Variants in AGBL1 observed in about 807,000 individuals in gnomAD.
AGBL1 encodes the protein cytosolic carboxypeptidase 4.
AGBL1 carries 130 observed loss-of-function variants against 118.9 expected under a neutral mutation model. That is an observed-to-expected ratio of 1.09 (90% CI 0.95 to 1.26). AGBL1 has a LOEUF of 1.26. Among genes scored for constraint, AGBL1 ranks in the 50% most tolerant of loss-of-function variants. AGBL1 has a pLI of 0.00. For synonymous variants in AGBL1, 555 were observed against 478.9 expected (o/e 1.16, Z -2.08); for missense variants, 1,584 against 1,298.1 (o/e 1.22, Z -3.38).
At position 86,827,489 on chromosome 15, in the gene AGBL1, G is replaced by GTATATA. The variant is rs1218247459; in HGVS notation, c.3159-79571_3159-79566dup. 1.5e-3 allele frequency among the ~76,000 whole-genome samples: 5 copies of GTATATA among 3,310 alleles called. 1 individual carries two copies. Among genetic ancestry groups the GTATATA allele is most frequent in the African/African-American group, 3.1e-3 (3 of 954 alleles). 2.2% of individuals were successfully genotyped at this position (3,310 alleles called of 152,430 possible). A position where few individuals can be genotyped will look rare whatever the true frequency, so the allele number is the denominator to read the frequency against. On this transcript the variant is annotated intron_variant, in intron 22 of 22. Coordinates refer to ENST00000614907, the MANE Select transcript of AGBL1 (RefSeq NM_001386094.1). ...TATATACATATATATATATATGTGTGTATATATATATATATATATATATAT... is the reference window on the plus strand; with the variant it reads ...TATATACATATATATATATATGTGTGTATATATATATATATATATATATATATATAT...
At chr15:86,515,481 TTTAA>T (rs1265561915) in intron 18 of AGBL1, among the ~76,000 whole-genome samples, 1 of 152,182 alleles carries the variant, frequency 6.6e-6, no homozygotes, top group Admixed American at 6.5e-5. Flanking sequence ...TTCTATTTGC[TTTAA>T]TTATTATAAA....
At chr15:86,442,841 C>T (rs1379426704) in intron 18 of AGBL1, among the ~76,000 whole-genome samples, 1 of 152,170 alleles carries the variant, frequency 6.6e-6, no homozygotes, top group Non-Finnish European at 1.5e-5. Flanking sequence ...GAAGAGGAAG[C>T]AGAGGAGACA....
In AGBL1 at chr15:86,778,531, G is replaced by GT. The variant is rs565352852; in HGVS notation, c.3158+104097dup. ...GGGACGCATTCTCTTTCTCAGGGAT[G>GT]TTCCTTGCTGAGAAAAAGAATTCAG... On this transcript the variant is annotated intron_variant, in intron 22 of 22. Coordinates refer to ENST00000614907, the MANE Select transcript of AGBL1 (RefSeq NM_001386094.1). Among the ~76,000 whole-genome samples the GT allele has an allele frequency of 4.1e-3, 619 of 152,266 alleles. 2 individuals carry two copies. The highest frequency in any genetic ancestry group is 7.1e-3 in the South Asian group (34 of 4,822).
At chr15:86,975,413 C>A (rs527681709) in intron 23 of AGBL1, among the ~76,000 whole-genome samples, 4 of 152,188 alleles carry the variant, frequency 2.6e-5, no homozygotes, top group Non-Finnish European at 5.9e-5. Context: ...AAGAGAAAGA[C>A]CCATCCCCAT....
At chr15:86,405,993 A>G (rs2081524300) in intron 18 of AGBL1, among the ~76,000 whole-genome samples, 1 of 152,196 alleles carries the variant, frequency 6.6e-6, no homozygotes, top group African/African-American at 2.4e-5. Flanking sequence ...CTAGGGCTTC[A>G]GTGCACAGCA....
At chr15:86,332,379 G>T (rs895074725) in intron 17 of AGBL1, among the ~76,000 whole-genome samples, 3 of 152,266 alleles carry the variant, frequency 2.0e-5, no homozygotes, top group African/African-American at 7.2e-5. Flanking sequence ...AGGCGCAGTG[G>T]CTCACGCCTG....
chr15:86,817,459 G>T (rs1057490466), intron 22 of AGBL1, among the ~76,000 whole-genome samples: 1 of 93,700 alleles, frequency 1.1e-5, no homozygotes, highest in Admixed American at 1.2e-4. Context: ...GTGTCTCTGA[G>T]AGATACACAC....
chr15:86,602,055 C>G (rs1239382012), intron 21 of AGBL1, among the ~76,000 whole-genome samples: 22 of 151,882 alleles, frequency 1.4e-4, no homozygotes, highest in Admixed American at 1.4e-3. Context: ...TCTTCTTTCC[C>G]TTCTCTTTCT....
chr15:86,988,274 T>C (rs989276913), intron 24 of AGBL1: 4 of 611,154 alleles, frequency 6.5e-6, no homozygotes, highest in Non-Finnish European at 1.1e-5. Context: ...GTTGCAACGA[T>C]TTACATTCAC....
chr15:86,805,393 G>T (rs575689774), intron 22 of AGBL1, among the ~76,000 whole-genome samples: 63 of 152,108 alleles, frequency 4.1e-4, no homozygotes, highest in African/African-American at 1.5e-3. Context: ...CACTCTGCCC[G>T]CTGCCCAACA....
In AGBL1 at chr15:86,154,413, T is replaced by C. The variant is rs757342123; in HGVS notation, c.263-17T>C. 5 of 1,609,116 alleles carry C rather than the reference T, an allele frequency of 3.1e-6. No individual in the cohort carries two copies. Among genetic ancestry groups the C allele is most frequent in the Middle Eastern group, 1.7e-4 (1 of 6,052 alleles). ...CAATGTGAAGTGCAACTAAGATAGA[T>C]TGATTTGTGTTCTTAGATAAAAAGA... On this transcript the variant is annotated splice_polypyrimidine_tract_variant and intron_variant, in intron 3 of 22. Coordinates refer to ENST00000614907, the MANE Select transcript of AGBL1 (RefSeq NM_001386094.1).
chr15:86,656,117 C>T (rs1423138836), intron 21 of AGBL1, among the ~76,000 whole-genome samples: 2 of 152,118 alleles, frequency 1.3e-5, no homozygotes, highest in African/African-American at 4.8e-5. Context: ...TCATGGAGGT[C>T]TTTGTGTGAT....
chr15:86,224,621 G>A (rs1024291321), intron 5 of AGBL1, among the ~76,000 whole-genome samples: 10 of 152,106 alleles, frequency 6.6e-5, no homozygotes, highest in African/African-American at 2.4e-4. Flanking sequence ...ATAGAAAAAT[G>A]AGCCACTCTG....
intron 22 of AGBL1, among the ~76,000 whole-genome samples, chr15:86,790,524 A>C (rs1202629241): frequency 6.6e-6 from 1 of 152,206 alleles, no homozygotes; most frequent in Non-Finnish European, 1.5e-5. Flanking sequence ...GCCCTGTGGC[A>C]AACTTGCTAT....
At chr15:86,578,545 T>A (rs2084128144) in intron 21 of AGBL1, among the ~76,000 whole-genome samples, 1 of 152,108 alleles carries the variant, frequency 6.6e-6, no homozygotes, top group Admixed American at 6.5e-5. Context: ...GACATGAGAT[T>A]TGGGAGGGGC....
intron 22 of AGBL1, among the ~76,000 whole-genome samples, chr15:86,767,986 A>G (rs1391730262): frequency 1.3e-5 from 2 of 152,020 alleles, no homozygotes; most frequent in East Asian, 1.9e-4. Context: ...ACAGAGCTAC[A>G]CAGAGATGAA....
chr15:86,411,156 T>G (rs2081614314), intron 18 of AGBL1, among the ~76,000 whole-genome samples: 1 of 151,448 alleles, frequency 6.6e-6, no homozygotes. Context: ...GCTTCTTGCC[T>G]TCAGAAGCCA....
chr15:86,419,065 T>C (rs1030017076), intron 18 of AGBL1, among the ~76,000 whole-genome samples: 2 of 152,126 alleles, frequency 1.3e-5, no homozygotes, highest in Admixed American at 1.3e-4. Flanking sequence ...TGTGATATGC[T>C]ATCAAAGATA....
At chr15:86,104,566 C>T (rs186618769) in intron 1 of AGBL1, among the ~76,000 whole-genome samples, 106 of 152,128 alleles carry the variant, frequency 7.0e-4, no homozygotes, top group African/African-American at 2.4e-3. Flanking sequence ...TCTCAGGGCA[C>T]ATGAAAACGC....
Sources: allele counts gnomAD v4.1 joint callset (sites outside exome capture counted in the v4.1 genomes callset), GRCh38; gene constraint gnomAD v4.1.1; transcripts MANE v1.5; gene names NCBI Gene and HGNC (gene_info 2026-07-23, HGNC 2026-07-21).